SH3RF3: variants seen among roughly 807,000 people sequenced by gnomAD.
SH3RF3 encodes SH3 domain containing ring finger 3.
In SH3RF3, 29 loss-of-function variants were observed where a neutral mutation model predicts 66.3. The ratio of observed to expected loss-of-function variants is 0.44; its 90% CI spans 0.33 to 0.60. The LOEUF is 0.60. SH3RF3 is among the 20% of genes least tolerant of loss of function. The probability of loss-of-function intolerance (pLI) is 0.04; values close to 1 mark genes in which losing one functional copy is unlikely to be tolerated. For missense variants in SH3RF3, 1,194 were observed against 1,190.9 expected (o/e 1.00, Z -0.04); for synonymous variants, 583 against 532.0 (o/e 1.10, Z -1.32).
At chr2:109,138,200 A>T (rs2007790) in intron 1 of SH3RF3, among the ~76,000 whole-genome samples, 115,358 of 152,044 alleles carry the variant, frequency 0.76, 45,752 homozygotes, top group Non-Finnish European at 0.89. Context: ...CTAATTTTTT[A>T]ATATTTTTAG....
rs146938186 is a variant in SH3RF3 at position 109,487,896 on chromosome 2, G to A, written c.2149-2709G>A. Among the ~76,000 whole-genome samples the A allele has an allele frequency of 8.7e-3, 1,314 of 151,498 alleles. 20 individuals carry two copies. The highest frequency in any genetic ancestry group is 0.03 in the African/African-American group (1,246 of 40,946). ...GCTAGGCGCTGGTGGGGATACTGCAGTGAACAAAACAAACACGACCCCTGT... is the reference window on the plus strand; with the variant it reads ...GCTAGGCGCTGGTGGGGATACTGCAATGAACAAAACAAACACGACCCCTGT... On this transcript the variant is annotated intron_variant, in intron 8 of 9. Coordinates refer to ENST00000309415, the MANE Select transcript of SH3RF3 (RefSeq NM_001099289.3).
chr2:109,454,101 A>G (rs1478304211), intron 8 of SH3RF3, among the ~76,000 whole-genome samples: 2 of 152,244 alleles, frequency 1.3e-5, no homozygotes, highest in Non-Finnish European at 2.9e-5. Flanking sequence ...TGCAACTTAC[A>G]TTACATGGTG....
At chr2:109,222,949 C>CT (rs1330745334) in intron 1 of SH3RF3, among the ~76,000 whole-genome samples, 1 of 152,236 alleles carries the variant, frequency 6.6e-6, no homozygotes, top group Non-Finnish European at 1.5e-5. Context: ...CTGCCTGGGG[C>CT]TACGGTCCCC....
chr2:109,227,144 A>G (rs1429435536), intron 1 of SH3RF3, among the ~76,000 whole-genome samples: 1 of 152,144 alleles, frequency 6.6e-6, no homozygotes, highest in East Asian at 1.9e-4. Flanking sequence ...CGGCTGAGTG[A>G]ACTGATGGCA....
Position 109,347,773 on chromosome 2 carries a change from C to T in SH3RF3, c.673C>T (p.Arg225Cys), listed in dbSNP as rs760496097. 1.2e-5 allele frequency: 20 copies of T among 1,613,856 alleles called. No individual in the cohort carries two copies. Among genetic ancestry groups the T allele is most frequent in the East Asian group, 6.7e-5 (3 of 44,876 alleles). ...FNKGDIIVLR[R>C]KVDEQWYHGE... ...CAAGGGGGACATCATCGTCCTGCGG[C>T]GCAAGGTGGATGAACAGTGGTACCA... Residue 225 changes from arginine to cysteine, a missense_variant, in exon 2 of 10, where the codon CGC (arginine) becomes TGC (cysteine). Physicochemically the swap from Arg to Cys is radical, Grantham distance 180 (BLOSUM62 -3). Transcript: ENST00000309415.
At chr2:109,219,778 A>G (rs1289435396) in intron 1 of SH3RF3, among the ~76,000 whole-genome samples, 2 of 152,230 alleles carry the variant, frequency 1.3e-5, no homozygotes, top group African/African-American at 4.8e-5. Flanking sequence ...CATGTTTTTG[A>G]TACAAATAAG....
chr2:109,495,040 A>C (rs1230139319), intron 9 of SH3RF3, among the ~76,000 whole-genome samples: 1 of 152,186 alleles, frequency 6.6e-6, no homozygotes, highest in Non-Finnish European at 1.5e-5. Context: ...CAGTCTCGTA[A>C]GTAGACTTAT....
chr2:109,379,358 G>T (rs6730477), intron 3 of SH3RF3, among the ~76,000 whole-genome samples: 81,764 of 152,074 alleles, frequency 0.54, 22,344 homozygotes, highest in African/African-American at 0.63. Context: ...TTAAAGTCAT[G>T]GTTTACCATG....
intron 8 of SH3RF3, among the ~76,000 whole-genome samples, chr2:109,466,072 C>CTTTTTTTT (rs1171998206): frequency 7.6e-4 from 63 of 82,388 alleles, no homozygotes; most frequent in Non-Finnish European, 1.0e-3. Flanking sequence ...ACCTGTACAT[C>CTTTTTTTT]TTTTTTTTTT....
At chr2:109,382,404 G>A (rs988731418) in intron 3 of SH3RF3, among the ~76,000 whole-genome samples, 2 of 152,064 alleles carry the variant, frequency 1.3e-5, no homozygotes, top group Admixed American at 6.6e-5. Flanking sequence ...GCCCACCTGC[G>A]CCCAGCCCAC....
chr2:109,291,297 T>G (rs886790581), intron 1 of SH3RF3, among the ~76,000 whole-genome samples: 8 of 141,162 alleles, frequency 5.7e-5, no homozygotes, highest in Admixed American at 1.5e-4. Flanking sequence ...TTTTTTTTTT[T>G]GCATTATGCT....
intron 1 of SH3RF3, among the ~76,000 whole-genome samples, chr2:109,139,594 G>C (rs1209510394): frequency 6.6e-6 from 1 of 152,156 alleles, no homozygotes; most frequent in Non-Finnish European, 1.5e-5. Context: ...TATGGAATTG[G>C]GAGTGTATCT....
intron 7 of SH3RF3, among the ~76,000 whole-genome samples, chr2:109,440,800 CCT>C (rs1230444647): frequency 5.3e-5 from 8 of 152,026 alleles, no homozygotes; most frequent in Admixed American, 5.2e-4. Context: ...CAGAGCACGC[CCT>C]GAGATCTTCA....
At chr2:109,348,183 C>CTGTATGTA (rs1682760615) in intron 2 of SH3RF3, among the ~76,000 whole-genome samples, 1 of 152,190 alleles carries the variant, frequency 6.6e-6, no homozygotes, top group African/African-American at 2.4e-5. Context: ...CAGCTCCAGC[C>CTGTATGTA]CAGAGCTACA....
At chr2:109,190,926 A>G (rs1028911170) in intron 1 of SH3RF3, among the ~76,000 whole-genome samples, 4 of 151,518 alleles carry the variant, frequency 2.6e-5, no homozygotes, top group African/African-American at 7.3e-5. Flanking sequence ...TTTGCCTACT[A>G]GATGCCAATA....
intron 5 of SH3RF3, among the ~76,000 whole-genome samples, chr2:109,431,721 A>T (rs1174480225): frequency 1.3e-5 from 2 of 152,074 alleles, no homozygotes; most frequent in African/African-American, 4.8e-5. Flanking sequence ...AAAATAAAAA[A>T]CTTAGCCAGC....
At chr2:109,155,946 C>T (rs1434798539) in intron 1 of SH3RF3, among the ~76,000 whole-genome samples, 1 of 152,166 alleles carries the variant, frequency 6.6e-6, no homozygotes, top group African/African-American at 2.4e-5. Context: ...TCCTTGGCAA[C>T]TCAGGATCAT....
At chr2:109,472,662 T>C (rs888406487) in intron 8 of SH3RF3, among the ~76,000 whole-genome samples, 1 of 152,124 alleles carries the variant, frequency 6.6e-6, no homozygotes, top group Non-Finnish European at 1.5e-5. Flanking sequence ...TAAATAATAG[T>C]GTGTTTAATT....
chr2:109,156,595 A>G (rs1677352235), intron 1 of SH3RF3, among the ~76,000 whole-genome samples: 1 of 151,894 alleles, frequency 6.6e-6, no homozygotes, highest in African/African-American at 2.4e-5. Flanking sequence ...ACAGGTGTCC[A>G]CCACTACACC....
Sources: allele counts gnomAD v4.1 joint callset (sites outside exome capture counted in the v4.1 genomes callset), GRCh38; gene constraint gnomAD v4.1.1; transcripts MANE v1.5; gene names NCBI Gene and HGNC (gene_info 2026-07-23, HGNC 2026-07-21).